METTL8: variants seen among roughly 807,000 people sequenced by gnomAD.
The protein encoded by METTL8 is methyltransferase 8, tRNA N3-cytidine.
In METTL8, 32 loss-of-function variants were observed where a neutral mutation model predicts 48.7. That is an observed-to-expected ratio of 0.66 (90% CI 0.50 to 0.88). METTL8 has a LOEUF of 0.88. METTL8 is among the 40% of genes least tolerant of loss of function. The probability of loss-of-function intolerance (pLI) is 0.00; values close to 1 mark genes in which losing one functional copy is unlikely to be tolerated. For missense variants in METTL8, 464 were observed against 474.4 expected, an observed-to-expected ratio of 0.98 and a Z score of 0.20; for synonymous variants, 136 against 157.1, an observed-to-expected ratio of 0.87 and a Z score of 1.01.
chr2:171,333,184 C>T (rs368713781), intron 5 of METTL8, among the ~76,000 whole-genome samples: 3 of 151,794 alleles, frequency 2.0e-5, no homozygotes, highest in African/African-American at 7.3e-5. Context: ...CTGCAGTCTC[C>T]GCCTCCTGGG....
At chr2:171,384,672 A>ATT in intron 2 of METTL8, among the ~76,000 whole-genome samples, 1 of 151,848 alleles carries the variant, frequency 6.6e-6, no homozygotes, top group African/African-American at 2.4e-5. Context: ...TCTACAAAAA[A>ATT]AATAAAAAAT....
chr2:171,428,062 T>C (rs944281671), intron 1 of METTL8, among the ~76,000 whole-genome samples: 11 of 152,236 alleles, frequency 7.2e-5, no homozygotes, highest in Admixed American at 1.3e-4. Context: ...TTCTTCTTTC[T>C]TGTCTTTAAA....
At chr2:171,434,058 AGCACCGCGCCCCCAGG>A, upstream of METTL8, 1 of 294,216 alleles carries the variant, frequency 3.4e-6, no homozygotes, top group South Asian at 2.8e-5. Context: ...TGGAGGCGGC[AGCACCGCGCCCCCAGG>A]GCTCTGCCCA....
chr2:171,389,438 T>C (rs1688376496), intron 2 of METTL8, among the ~76,000 whole-genome samples: 2 of 145,112 alleles, frequency 1.4e-5, no homozygotes, highest in South Asian at 4.3e-4. Flanking sequence ...GAGAATCACT[T>C]GACCCAGGTG....
intron 2 of METTL8, among the ~76,000 whole-genome samples, chr2:171,381,079 C>T (rs533722808): frequency 6.6e-6 from 1 of 152,218 alleles, no homozygotes; most frequent in East Asian, 1.9e-4. Context: ...GAACACAGAC[C>T]TCCATTAAAC....
chr2:171,324,477 C>T, intron 9 of METTL8, 115 bp from the exon 10 acceptor site: 1 of 933,984 alleles, frequency 1.1e-6, no homozygotes, highest in South Asian at 1.8e-5. Flanking sequence ...ACAAGAAACA[C>T]TCTCTAGAAC....
At chr2:171,400,576 T>G (rs1284585473) in intron 1 of METTL8, among the ~76,000 whole-genome samples, 1 of 152,184 alleles carries the variant, frequency 6.6e-6, no homozygotes, top group Non-Finnish European at 1.5e-5. Context: ...CTTGTCATAT[T>G]ACTATATGTG....
At chr2:171,408,301 T>G (rs913423706) in intron 1 of METTL8, among the ~76,000 whole-genome samples, 13 of 151,718 alleles carry the variant, frequency 8.6e-5, no homozygotes, top group African/African-American at 2.4e-4. Context: ...TTTTTGTTTT[T>G]TTTTTTTTTT....
At chr2:171,330,808 TC>T (rs1266653052) in intron 6 of METTL8, 110 bp from the exon 7 acceptor site, 2 of 838,414 alleles carry the variant, frequency 2.4e-6, no homozygotes, top group African/African-American at 3.5e-5. Context: ...CAAAAGCCTT[TC>T]CTCTGTCAGT....
intron 1 of METTL8, among the ~76,000 whole-genome samples, chr2:171,425,000 C>T (rs1269419227): frequency 6.6e-6 from 1 of 152,110 alleles, no homozygotes. Context: ...TCATGCTGTT[C>T]TCATGATAGT....
At chr2:171,367,365 CAAGGAG>C (rs545901915) in intron 2 of METTL8, among the ~76,000 whole-genome samples, 2,861 of 152,140 alleles carry the variant, frequency 0.019, 88 homozygotes, top group African/African-American at 0.065. Flanking sequence ...GAAGATAAAG[CAAGGAG>C]ATCTTATGTC....
intron 2 of METTL8, among the ~76,000 whole-genome samples, chr2:171,382,144 G>A (rs1687616408): frequency 6.6e-6 from 1 of 152,070 alleles, no homozygotes; most frequent in East Asian, 1.9e-4. Context: ...AAAACAGTGT[G>A]GCAATTCCTC....
chr2:171,345,305 C>T (rs924964208), intron 3 of METTL8, among the ~76,000 whole-genome samples: 1 of 152,006 alleles, frequency 6.6e-6, no homozygotes, highest in African/African-American at 2.4e-5. Flanking sequence ...TGAATTAAAC[C>T]ATTTATGTAT....
intron 1 of METTL8, among the ~76,000 whole-genome samples, chr2:171,432,602 T>C (rs757659996): frequency 3.9e-5 from 6 of 152,214 alleles, no homozygotes; most frequent in Non-Finnish European, 4.4e-5. Context: ...AAATTAACTA[T>C]TGTAGCACTC....
At chr2:171,429,812 G>A (rs1445159110) in intron 1 of METTL8, among the ~76,000 whole-genome samples, 1 of 152,164 alleles carries the variant, frequency 6.6e-6, no homozygotes, top group African/African-American at 2.4e-5. Flanking sequence ...GGCAGACGCA[G>A]GCAGATCACC....
chr2:171,427,867 C>CCAAA (rs1553538402), intron 1 of METTL8, among the ~76,000 whole-genome samples: 1 of 152,140 alleles, frequency 6.6e-6, no homozygotes, highest in Non-Finnish European at 1.5e-5. Context: ...CTTTCCCCTG[C>CCAAA]ACATTATGGA....
intron 7 of METTL8, among the ~76,000 whole-genome samples, chr2:171,327,237 G>A (rs142563114): frequency 6.6e-6 from 1 of 152,226 alleles, no homozygotes; most frequent in African/African-American, 2.4e-5. Flanking sequence ...ATCCCTTATA[G>A]CTGCTCTTGA....
At chr2:171,424,181 T>C (rs569471792) in intron 1 of METTL8, among the ~76,000 whole-genome samples, 1 of 152,258 alleles carries the variant, frequency 6.6e-6, no homozygotes, top group East Asian at 1.9e-4. Context: ...TTTCAGAAGA[T>C]GTATAGAAAT....
At chr2:171,424,042 AG>A (rs1435073334) in intron 1 of METTL8, among the ~76,000 whole-genome samples, 2 of 152,210 alleles carry the variant, frequency 1.3e-5, no homozygotes, top group African/African-American at 4.8e-5. Flanking sequence ...TGTGGCTAAA[AG>A]GGGCCAAGGT....
Sources: allele counts gnomAD v4.1 joint callset (sites outside exome capture counted in the v4.1 genomes callset), GRCh38; gene constraint gnomAD v4.1.1; transcripts MANE v1.5; gene names NCBI Gene and HGNC (gene_info 2026-07-23, HGNC 2026-07-21).